GRB14: variants seen among roughly 807,000 people sequenced by gnomAD.
GRB14 encodes growth factor receptor-bound protein 14.
GRB14 carries 38 observed loss-of-function variants against 69.1 expected under a neutral mutation model. The ratio of observed to expected loss-of-function variants is 0.55; its 90% confidence interval spans 0.42 to 0.72. GRB14 has a LOEUF of 0.72. Ranked by LOEUF, GRB14 falls within the 30% of genes least tolerant of loss-of-function variation. GRB14 has a pLI of 0.00. For synonymous variants in GRB14, 247 were observed against 241.3 expected (o/e 1.02, Z -0.22); for missense variants, 666 against 666.1 (o/e 1.00, Z 0.00).
chr2:164,579,509 A>G (rs1355088315), intron 2 of GRB14, among the ~76,000 whole-genome samples: 3 of 34,660 alleles, frequency 8.7e-5, no homozygotes, highest in African/African-American at 4.5e-4. Context: ...TTGCACACAC[A>G]CACACACACA....
chr2:164,583,279 G>A (rs1689457080), intron 2 of GRB14, among the ~76,000 whole-genome samples: 1 of 151,466 alleles, frequency 6.6e-6, no homozygotes, highest in South Asian at 2.1e-4. Context: ...AAACATTAAA[G>A]AGAAATATTC....
intron 2 of GRB14, among the ~76,000 whole-genome samples, chr2:164,566,747 AT>A (rs1688985395): frequency 6.6e-6 from 1 of 152,114 alleles, no homozygotes; most frequent in Non-Finnish European, 1.5e-5. Flanking sequence ...AATAATTTAC[AT>A]ATTTTACTAT....
intron 2 of GRB14, among the ~76,000 whole-genome samples, chr2:164,555,945 T>G (rs1439627341): frequency 6.8e-6 from 1 of 146,172 alleles, no homozygotes; most frequent in Non-Finnish European, 1.5e-5. Context: ...AGATAGGCAA[T>G]GTACTAATAG....
chr2:164,576,538 T>C (rs1021624163), intron 2 of GRB14, among the ~76,000 whole-genome samples: 2 of 151,868 alleles, frequency 1.3e-5, no homozygotes, highest in African/African-American at 4.8e-5. Flanking sequence ...AAGAAGCTCC[T>C]AGCATCTGAA....
At chr2:164,505,118 A>G (rs1237068660) in intron 8 of GRB14, among the ~76,000 whole-genome samples, 2 of 152,216 alleles carry the variant, frequency 1.3e-5, no homozygotes, top group Non-Finnish European at 2.9e-5. Context: ...AAAGAACAAT[A>G]AATTTATGTT....
At chr2:164,583,398 G>A (rs1212942712) in intron 2 of GRB14, among the ~76,000 whole-genome samples, 1 of 152,168 alleles carries the variant, frequency 6.6e-6, no homozygotes, top group Non-Finnish European at 1.5e-5. Flanking sequence ...AGTGAAAAAA[G>A]TAAATATACT....
At chr2:164,515,979 C>A (rs1231818936) in intron 6 of GRB14, among the ~76,000 whole-genome samples, 1 of 151,666 alleles carries the variant, frequency 6.6e-6, no homozygotes, top group African/African-American at 2.4e-5. Context: ...GACTTCAGAA[C>A]TCAAAGTCAA....
In GRB14 at chr2:164,492,709, G is replaced by A; in HGVS notation, c.*327C>T. 5.6e-6 allele frequency: 1 copy of A among 179,420 alleles called. No homozygotes were observed. The highest frequency in any genetic ancestry group is 6.2e-5 in the Admixed American group (1 of 16,156). The allele number at this position is 179,420 out of a possible 1,614,324, so 11.1% of individuals were successfully genotyped here. A position where few individuals can be genotyped will look rare whatever the true frequency, so the allele number is the denominator to read the frequency against. On this transcript the variant is annotated 3_prime_UTR_variant, in exon 14 of 14. Coordinates refer to ENST00000263915, the MANE Select transcript of GRB14 (RefSeq NM_004490.3). ...AATTTATTTCATATTTTGTGTTTCA[G>A]AATTCTGATGTTGCTATATGGTAAA...
intron 3 of GRB14, among the ~76,000 whole-genome samples, chr2:164,538,623 C>T (rs536321068): frequency 2.0e-4 from 31 of 152,116 alleles, no homozygotes; most frequent in Non-Finnish European, 4.0e-4. Flanking sequence ...AGATTCATAA[C>T]AAAATCAAGA....
chr2:164,584,816 A>C (rs1171373274), intron 2 of GRB14, among the ~76,000 whole-genome samples: 2 of 152,206 alleles, frequency 1.3e-5, no homozygotes, highest in Non-Finnish European at 2.9e-5. Context: ...TAGTACCTTT[A>C]TAAAAGTTAC....
chr2:164,597,275 G>A (rs1046524692), intron 2 of GRB14, among the ~76,000 whole-genome samples: 1 of 152,198 alleles, frequency 6.6e-6, no homozygotes, highest in Admixed American at 6.5e-5. Flanking sequence ...TTTACAGGAT[G>A]TCAAAATAAT....
At position 164,613,120 on chromosome 2, in the gene GRB14, T is replaced by C. The variant is rs1456658909; in HGVS notation, c.324+6567A>G. Reference sequence around the variant, plus strand: ...GAAGGGTGACATCAACTGAAACAACTGCCCAATAAGTATGCTTCACGTACA... The same window carrying C: ...GAAGGGTGACATCAACTGAAACAACCGCCCAATAAGTATGCTTCACGTACA... On this transcript the variant is annotated intron_variant, in intron 2 of 13. Coordinates refer to ENST00000263915, the MANE Select transcript of GRB14 (RefSeq NM_004490.3). Among the ~76,000 whole-genome samples the C allele has an allele frequency of 3.3e-5, 5 of 152,246 alleles. No individual in the cohort carries two copies. In the South Asian group the frequency reaches 8.3e-4, roughly 25 times the overall value.
At chr2:164,539,768 A>G (rs975606672) in intron 3 of GRB14, 4 of 152,138 alleles carry the variant, frequency 2.6e-5, no homozygotes, top group African/African-American at 7.2e-5. Context: ...ATCCTTACCT[A>G]TGAGGCCTCA....
chr2:164,551,255 G>T (rs1234228201), intron 2 of GRB14, among the ~76,000 whole-genome samples: 1 of 152,150 alleles, frequency 6.6e-6, no homozygotes, highest in Non-Finnish European at 1.5e-5. Context: ...ATCAGAAGCA[G>T]TTAGAGCCAA....
chr2:164,502,048 AATG>A (rs1400475004), intron 9 of GRB14, among the ~76,000 whole-genome samples: 2 of 151,910 alleles, frequency 1.3e-5, no homozygotes, highest in Admixed American at 6.6e-5. Flanking sequence ...CTTTATGTAT[AATG>A]ATATGATTTT....
chr2:164,503,007 T>C (rs2105261033), intron 8 of GRB14, among the ~76,000 whole-genome samples: 2 of 152,006 alleles, frequency 1.3e-5, no homozygotes, highest in African/African-American at 4.8e-5. Flanking sequence ...CAGCATCATA[T>C]GGATTGAGCT....
At chr2:164,528,439 T>C (rs1189012287) in intron 3 of GRB14, among the ~76,000 whole-genome samples, 1 of 152,166 alleles carries the variant, frequency 6.6e-6, no homozygotes, top group East Asian at 1.9e-4. Flanking sequence ...AAAGCATTTA[T>C]GTCTCAGAAA....
intron 3 of GRB14, among the ~76,000 whole-genome samples, chr2:164,542,126 C>G (rs2105305069): frequency 6.6e-6 from 1 of 152,288 alleles, no homozygotes; most frequent in Middle Eastern, 3.4e-3. Flanking sequence ...TAAAGCCATA[C>G]TCCTACAGCC....
At chr2:164,521,946 T>C in intron 6 of GRB14, 34 bp downstream of exon 6, 1 of 1,536,362 alleles carries the variant, frequency 6.5e-7, no homozygotes, top group Non-Finnish European at 8.9e-7. Context: ...GCTTAATATG[T>C]CAGTCATAAC....
Sources: gnomAD v4.1 joint callset for allele counts (sites outside exome capture counted in the v4.1 genomes callset) on GRCh38, gnomAD v4.1.1 for gene constraint, MANE v1.5 for transcripts, NCBI Gene and HGNC (gene_info 2026-07-23, HGNC 2026-07-21) for gene names.